DTNA: variants seen among roughly 807,000 people sequenced by gnomAD.
The protein encoded by DTNA is dystrobrevin alpha, also known as dystrophin-related protein 3.
In DTNA, 43 loss-of-function variants were observed where a neutral mutation model predicts 100.7. The ratio of observed to expected loss-of-function variants is 0.43; its 90% CI spans 0.33 to 0.55. DTNA has a LOEUF of 0.55. Among genes scored for constraint, DTNA ranks in the 20% least tolerant of loss-of-function variants. The pLI, the probability that DTNA is intolerant of heterozygous loss-of-function variation, is 0.04. For missense variants in DTNA, 798 were observed against 953.9 expected, an observed-to-expected ratio of 0.84 and a Z score of 2.15; for synonymous variants, 349 against 347.9, an observed-to-expected ratio of 1.00 and a Z score of -0.04.
chr18:34,575,371 T>G (rs2048015775), intron 1 of DTNA, among the ~76,000 whole-genome samples: 1 of 152,220 alleles, frequency 6.6e-6, no homozygotes. Context: ...TCATCTAAGT[T>G]GTCTCTTATT....
intron 1 of DTNA, among the ~76,000 whole-genome samples, chr18:34,599,111 A>G (rs1008314156): frequency 2.6e-5 from 4 of 152,218 alleles, no homozygotes; most frequent in South Asian, 2.1e-4. Context: ...ATTTAGATAA[A>G]TAAGAAACTT....
At chr18:34,567,121 A>C (rs1035992024) in intron 1 of DTNA, among the ~76,000 whole-genome samples, 16 of 152,104 alleles carry the variant, frequency 1.1e-4, no homozygotes, top group African/African-American at 3.9e-4. Flanking sequence ...TTCCCCCACA[A>C]AATTTTTGAA....
intron 5 of DTNA, among the ~76,000 whole-genome samples, chr18:34,807,795 G>A (rs2095398851): frequency 6.7e-6 from 1 of 149,070 alleles, no homozygotes; most frequent in Non-Finnish European, 1.5e-5. Flanking sequence ...ATCTACCTCA[G>A]TGCTTATTTG....
intron 1 of DTNA, among the ~76,000 whole-genome samples, chr18:34,595,889 CAAG>C (rs2050500206): frequency 6.6e-6 from 1 of 152,140 alleles, no homozygotes; most frequent in Admixed American, 6.5e-5. Context: ...ACCTCTGTGA[CAAG>C]AAGGCTGCAA....
intron 1 of DTNA, among the ~76,000 whole-genome samples, chr18:34,606,798 G>A (rs991459462): frequency 6.6e-6 from 1 of 152,126 alleles, no homozygotes; most frequent in African/African-American, 2.4e-5. Flanking sequence ...ATGGTGTGCA[G>A]AGGAGATACC....
chr18:34,816,947 T>C (rs2095610028), intron 7 of DTNA, among the ~76,000 whole-genome samples: 1 of 152,242 alleles, frequency 6.6e-6, no homozygotes, highest in Non-Finnish European at 1.5e-5. Flanking sequence ...TTGCAATCAC[T>C]AACAATCATA....
chr18:34,721,249 C>A (rs2085251573), intron 1 of DTNA, among the ~76,000 whole-genome samples: 1 of 152,150 alleles, frequency 6.6e-6, no homozygotes, highest in Non-Finnish European at 1.5e-5. Flanking sequence ...AGCTATTTAC[C>A]TTTAGAAAAT....
intron 17 of DTNA, among the ~76,000 whole-genome samples, chr18:34,869,062 A>G (rs913940426): frequency 2.6e-5 from 4 of 152,210 alleles, no homozygotes; most frequent in Middle Eastern, 3.2e-3. Context: ...TACTGGAATT[A>G]GACCTGAATT....
intron 3 of DTNA, among the ~76,000 whole-genome samples, chr18:34,769,068 T>C (rs1345551267): frequency 6.6e-6 from 1 of 152,162 alleles, no homozygotes; most frequent in Non-Finnish European, 1.5e-5. Flanking sequence ...TATTACATTC[T>C]ACAAAATTAG....
intron 1 of DTNA, among the ~76,000 whole-genome samples, chr18:34,583,725 C>G (rs917343358): frequency 3.3e-5 from 5 of 151,904 alleles, no homozygotes; most frequent in African/African-American, 1.2e-4. Flanking sequence ...TCAAAAGACT[C>G]AAAGACTGGA....
intron 1 of DTNA, among the ~76,000 whole-genome samples, chr18:34,607,330 T>G (rs893873334): frequency 1.2e-4 from 19 of 152,274 alleles, no homozygotes; most frequent in African/African-American, 4.6e-4. Flanking sequence ...GATGGTGATT[T>G]TAAAGAAGGC....
chr18:34,872,068 T>G (rs2096770794), intron 17 of DTNA, among the ~76,000 whole-genome samples: 1 of 152,250 alleles, frequency 6.6e-6, no homozygotes, highest in Non-Finnish European at 1.5e-5. Context: ...GTTTTTCCCT[T>G]AACACACAAC....
intron 1 of DTNA, among the ~76,000 whole-genome samples, chr18:34,603,153 G>A (rs1405505083): frequency 6.6e-6 from 1 of 151,948 alleles, no homozygotes; most frequent in Non-Finnish European, 1.5e-5. Flanking sequence ...AGGAGTTTGA[G>A]GCAGTAGTGT....
intron 1 of DTNA, among the ~76,000 whole-genome samples, chr18:34,581,613 C>T (rs902305223): frequency 1.0e-4 from 15 of 143,238 alleles, no homozygotes; most frequent in African/African-American, 4.2e-4. Context: ...CAGGCATGCC[C>T]CTAGTTAGTT....
At chr18:34,756,496 G>C (rs2092779660) in intron 2 of DTNA, among the ~76,000 whole-genome samples, 1 of 152,150 alleles carries the variant, frequency 6.6e-6, no homozygotes. Flanking sequence ...TATGTGGAAA[G>C]GAGAAGTTAG....
chr18:34,627,944 G>T (rs565621003), intron 1 of DTNA, among the ~76,000 whole-genome samples: 6 of 151,932 alleles, frequency 3.9e-5, no homozygotes, highest in South Asian at 4.2e-4. Flanking sequence ...AATTTTTTTT[G>T]TTTGTTTATT....
Position 34,888,604 on chromosome 18 carries a change from C to T in DTNA, c.*870C>T, listed in dbSNP as rs1432335562. Reference sequence around the variant, plus strand: ...TATAGAATCTAGTTTTTAAAATCAGCACAGATCTTCTTAAAAACTGTGAAC... The same window carrying T: ...TATAGAATCTAGTTTTTAAAATCAGTACAGATCTTCTTAAAAACTGTGAAC... On this transcript the variant is annotated 3_prime_UTR_variant, in exon 23 of 23. Transcript: ENST00000444659. The T allele has an allele frequency of 1.0e-6, 1 of 985,686 alleles. No individual in the cohort carries two copies. The highest frequency in any genetic ancestry group is 1.1e-4 in the East Asian group (1 of 8,822). 61.1% of individuals were successfully genotyped at this position (985,686 alleles called of 1,614,324 possible).
chr18:34,772,138 T>G (rs2093806636), intron 3 of DTNA, among the ~76,000 whole-genome samples: 1 of 152,182 alleles, frequency 6.6e-6, no homozygotes, highest in Non-Finnish European at 1.5e-5. Flanking sequence ...TGCACCATCT[T>G]TTAGTCCTAC....
At chr18:34,554,473 C>G (rs1482699251) in intron 1 of DTNA, among the ~76,000 whole-genome samples, 2 of 150,002 alleles carry the variant, frequency 1.3e-5, no homozygotes, top group Non-Finnish European at 3.0e-5. Flanking sequence ...GGGAATGCTT[C>G]CAGTTTTTGC....
Sources: allele counts gnomAD v4.1 joint callset (sites outside exome capture counted in the v4.1 genomes callset), GRCh38; gene constraint gnomAD v4.1.1; transcripts MANE v1.5; gene names NCBI Gene and HGNC (gene_info 2026-07-23, HGNC 2026-07-21).